SMIM14: variants seen among roughly 807,000 people sequenced by gnomAD.
SMIM14 encodes the protein small integral membrane protein 14, also known as chromosome 4 open reading frame 34.
SMIM14 carries 5 observed loss-of-function variants against 12.6 expected under a neutral mutation model. That is an observed-to-expected ratio of 0.40 (90% CI 0.21 to 0.83). The LOEUF (loss-of-function observed/expected upper bound fraction) is 0.83, where lower values mean the gene tolerates loss of function less well. SMIM14 is among the 40% of genes least tolerant of loss of function. SMIM14 has a pLI of 0.37. For missense variants in SMIM14, 86 were observed against 119.1 expected (o/e 0.72, Z 1.29); for synonymous variants, 30 against 40.1 (o/e 0.75, Z 0.95).
intron 1 of SMIM14, among the ~76,000 whole-genome samples, chr4:39,613,220 GA>G (rs1303765856): frequency 2.6e-5 from 4 of 152,078 alleles, no homozygotes; most frequent in African/African-American, 9.7e-5. Context: ...AATATTTACT[GA>G]ATTCTTGACA....
At chr4:39,567,143 GAAAAAAAA>G (rs1168446466) in intron 3 of SMIM14, among the ~76,000 whole-genome samples, 2 of 72,092 alleles carry the variant, frequency 2.8e-5, no homozygotes, top group African/African-American at 4.9e-5. Context: ...CTCAAAAAAA[GAAAAAAAA>G]AAAAAAAAAA....
chr4:39,574,380 A>G (rs1223281356), intron 2 of SMIM14, among the ~76,000 whole-genome samples: 2 of 151,554 alleles, frequency 1.3e-5, no homozygotes, highest in Non-Finnish European at 1.5e-5. Flanking sequence ...CAGCCTCCCT[A>G]CAGGTGCATG....
intron 2 of SMIM14, among the ~76,000 whole-genome samples, chr4:39,599,933 CA>C (rs56285045): frequency 0.56 from 64,028 of 115,214 alleles, 15,351 homozygotes; most frequent in South Asian, 0.67. Flanking sequence ...AAAACAACAA[CA>C]AAAAAAAAAA....
intron 3 of SMIM14, among the ~76,000 whole-genome samples, chr4:39,570,082 T>C (rs2110004281): frequency 6.6e-6 from 1 of 152,340 alleles, no homozygotes; most frequent in East Asian, 1.9e-4. Context: ...TGCTTTGAGT[T>C]ACTTTGCATT....
At chr4:39,627,730 T>A (rs997217647) in intron 1 of SMIM14, among the ~76,000 whole-genome samples, 1 of 152,022 alleles carries the variant, frequency 6.6e-6, no homozygotes, top group Non-Finnish European at 1.5e-5. Flanking sequence ...AAGAAAGAAG[T>A]CTTCTGTTCT....
rs1560292089 is a variant in SMIM14 at position 39,582,390 on chromosome 4, C to A, written c.76-9927G>T. Among the ~76,000 whole-genome samples the A allele has an allele frequency of 3.3e-5, 5 of 151,980 alleles. 1 individual carries two copies. The highest frequency in any genetic ancestry group is 3.3e-4 in the Admixed American group (5 of 15,258). ...TGAATATGAAAGGGTCTTGGCCGGG[C>A]ACGGTGGCTTATGCCTGTAATCCCA... On this transcript the variant is annotated intron_variant, in intron 2 of 4. Transcript: ENST00000295958.
chr4:39,601,607 A>G (rs1714613452), intron 2 of SMIM14, among the ~76,000 whole-genome samples: 1 of 152,194 alleles, frequency 6.6e-6, no homozygotes, highest in African/African-American at 2.4e-5. Context: ...AAGCTGTCAG[A>G]TAACAGGTAC....
rs956478581 is a variant in SMIM14 at position 39,549,740 on chromosome 4, G to C, written c.*2386C>G. 1 of 152,188 alleles carries C rather than the reference G, an allele frequency of 6.6e-6. No individual in the cohort carries two copies. Among genetic ancestry groups the C allele is most frequent in the Non-Finnish European group, 1.5e-5 (1 of 68,036 alleles). 9.4% of individuals were successfully genotyped at this position (152,188 alleles called of 1,614,324 possible). ...GAAAATGGAATGCTATAGGGATTTA[G>C]CTCCATCTTAAGCCATTCTGGCCCT... On this transcript the variant is annotated 3_prime_UTR_variant, in exon 5 of 5. Transcript: ENST00000295958.
At chr4:39,581,518 C>CTTCTTTTTTTTT (rs1713491298) in intron 2 of SMIM14, among the ~76,000 whole-genome samples, 1 of 132,094 alleles carries the variant, frequency 7.6e-6, no homozygotes. Context: ...TTTTCTTTTT[C>CTTCTTTTTTTTT]TTTTTTTTTT....
chr4:39,610,626 T>C (rs1421758696), intron 1 of SMIM14, among the ~76,000 whole-genome samples: 7 of 151,282 alleles, frequency 4.6e-5, no homozygotes, highest in Non-Finnish European at 8.8e-5. Flanking sequence ...GCCCAGGAGA[T>C]TGAGACCATA....
intron 1 of SMIM14, among the ~76,000 whole-genome samples, chr4:39,617,651 C>G (rs1407725714): frequency 1.3e-5 from 2 of 152,150 alleles, no homozygotes; most frequent in African/African-American, 4.8e-5. Context: ...TAAACAGGCC[C>G]TATCATGGAT....
intron 2 of SMIM14, among the ~76,000 whole-genome samples, chr4:39,573,104 A>T (rs1578322733): frequency 1.4e-5 from 2 of 143,130 alleles, no homozygotes; most frequent in South Asian, 2.1e-4. Flanking sequence ...TTATTATTTT[A>T]TTATTATTAT....
At chr4:39,571,360 T>C (rs1458180697) in intron 3 of SMIM14, among the ~76,000 whole-genome samples, 1 of 151,832 alleles carries the variant, frequency 6.6e-6, no homozygotes, top group Non-Finnish European at 1.5e-5. Context: ...GAAGGATCAC[T>C]TGATCCCAGG....
At chr4:39,615,236 G>A (rs896621016) in intron 1 of SMIM14, among the ~76,000 whole-genome samples, 3 of 152,090 alleles carry the variant, frequency 2.0e-5, no homozygotes, top group African/African-American at 4.8e-5. Flanking sequence ...CCTCCGGCCC[G>A]AATGTAAGAT....
At chr4:39,563,352 G>A (rs138696506) in intron 3 of SMIM14, among the ~76,000 whole-genome samples, 6 of 152,168 alleles carry the variant, frequency 3.9e-5, no homozygotes, top group East Asian at 3.9e-4. Context: ...ATGAGCCACC[G>A]CCCCCGGCCC....
At chr4:39,572,332 T>C in intron 3 of SMIM14, 83 bp downstream of exon 3, 1 of 401,068 alleles carries the variant, frequency 2.5e-6, no homozygotes, top group Non-Finnish European at 4.5e-6. Flanking sequence ...AATGTAAGAA[T>C]AAATTCTGAC....
intron 1 of SMIM14, among the ~76,000 whole-genome samples, chr4:39,616,128 A>G (rs543380932): frequency 7.9e-5 from 12 of 152,216 alleles, no homozygotes; most frequent in East Asian, 1.9e-4. Flanking sequence ...AATATTCCCA[A>G]TTTTGTTGTT....
chr4:39,618,138 G>A (rs566369344), intron 1 of SMIM14, among the ~76,000 whole-genome samples: 1 of 152,222 alleles, frequency 6.6e-6, no homozygotes, highest in African/African-American at 2.4e-5. Context: ...TAAACTATCA[G>A]TGACATCTAC....
In SMIM14 at chr4:39,553,942, T is replaced by C. The variant is rs536093082; in HGVS notation, c.268-1784A>G. ...TAGCATGCTACGTATCTTTTTTGTGTATGTTTTTCGTTTTGATTTTTTTTC... is the reference window on the plus strand; with the variant it reads ...TAGCATGCTACGTATCTTTTTTGTGCATGTTTTTCGTTTTGATTTTTTTTC... On this transcript the variant is annotated intron_variant, in intron 4 of 4. Transcript: ENST00000295958. Among the ~76,000 whole-genome samples, 4 of 152,300 alleles carry C rather than the reference T, an allele frequency of 2.6e-5. No homozygotes were observed. The South Asian group carries it at 6.2e-4, about 24-fold the overall frequency.
Sources: allele counts gnomAD v4.1 joint callset (sites outside exome capture counted in the v4.1 genomes callset), GRCh38; gene constraint gnomAD v4.1.1; transcripts MANE v1.5; gene names NCBI Gene and HGNC (gene_info 2026-07-23, HGNC 2026-07-21).